The following PARN variants were observed in gnomAD, a reference collection of about 807,000 sequenced individuals.
PARN encodes the protein poly(A)-specific ribonuclease.
PARN carries 71 observed loss-of-function variants against 102.8 expected under a neutral mutation model. The observed-to-expected ratio is 0.69, with a 90% confidence interval of 0.57 to 0.84. The LOEUF is 0.84. Among genes scored for constraint, PARN ranks in the 40% least tolerant of loss-of-function variants. PARN has a pLI of 0.00. For synonymous variants in PARN, 261 were observed against 252.9 expected, an observed-to-expected ratio of 1.03 and a Z score of -0.30; for missense variants, 782 against 760.9, an observed-to-expected ratio of 1.03 and a Z score of -0.33.
At chr16:14,529,796 T>C (rs1182585912) in intron 21 of PARN, among the ~76,000 whole-genome samples, 1 of 152,094 alleles carries the variant, frequency 6.6e-6, no homozygotes, top group Non-Finnish European at 1.5e-5. Context: ...CCCCTTCCTG[T>C]TCCCCTCAAG....
intron 22 of PARN, among the ~76,000 whole-genome samples, chr16:14,455,283 C>A (rs1279023600): frequency 6.6e-6 from 1 of 152,186 alleles, no homozygotes; most frequent in Non-Finnish European, 1.5e-5. Flanking sequence ...TTCATATAAG[C>A]CCAATTCCTT....
chr16:14,458,262 G>C (rs1961781052), intron 22 of PARN, among the ~76,000 whole-genome samples: 1 of 152,088 alleles, frequency 6.6e-6, no homozygotes, highest in South Asian at 2.1e-4. Context: ...GAAATTTTCA[G>C]AGGCTAGGAT....
chr16:14,599,404 C>G, intron 12 of PARN, among the ~76,000 whole-genome samples: 1 of 152,080 alleles, frequency 6.6e-6, no homozygotes, highest in East Asian at 1.9e-4. Context: ...ATCATAGAGT[C>G]CCCTAGCACA....
At chr16:14,521,954 C>T (rs1432014601) in intron 21 of PARN, among the ~76,000 whole-genome samples, 1 of 152,180 alleles carries the variant, frequency 6.6e-6, no homozygotes, top group Non-Finnish European at 1.5e-5. Context: ...CTACTGTATT[C>T]AGTACAGTAA....
At chr16:14,550,717 TGCG>T (rs967483887) in intron 21 of PARN, among the ~76,000 whole-genome samples, 3 of 152,214 alleles carry the variant, frequency 2.0e-5, no homozygotes, top group African/African-American at 7.2e-5. Context: ...AGTTTTACTG[TGCG>T]GCATTTTGTT....
chr16:14,559,408 TG>T (rs1220835563), intron 18 of PARN, among the ~76,000 whole-genome samples: 2 of 145,296 alleles, frequency 1.4e-5, no homozygotes, highest in African/African-American at 2.4e-5. Flanking sequence ...TCAAAAGATT[TG>T]TTTTTTTTTT....
intron 11 of PARN, among the ~76,000 whole-genome samples, 164 bp downstream of exon 11, chr16:14,603,978 AATCT>A (rs1247789621): frequency 6.6e-6 from 1 of 152,202 alleles, no homozygotes; most frequent in Non-Finnish European, 1.5e-5. Context: ...CTCATGCTTA[AATCT>A]AACTTCCCCT....
chr16:14,608,396 G>A lies in PARN; in HGVS notation c.621-77C>T. 6 of 946,576 alleles carry A rather than the reference G, an allele frequency of 6.3e-6. No individual in the cohort carries two copies. The East Asian group carries it at 1.3e-4, about 21-fold the overall frequency. 58.6% of individuals were successfully genotyped at this position (946,576 alleles called of 1,614,324 possible). A position where few individuals can be genotyped will look rare whatever the true frequency, so the allele number is the denominator to read the frequency against. On this transcript the variant is annotated intron_variant, in intron 8 of 23. Coordinates refer to ENST00000437198, the MANE Select transcript of PARN (RefSeq NM_002582.4). Reference sequence around the variant, plus strand: ...AAACTGATCAAGCATTTGTTGAGAAGGATTTCGCTTTAAAAAGAGACTTCA... The same window carrying A: ...AAACTGATCAAGCATTTGTTGAGAAAGATTTCGCTTTAAAAAGAGACTTCA...
intron 18 of PARN, among the ~76,000 whole-genome samples, chr16:14,556,876 C>T (rs1364767529): frequency 6.6e-6 from 1 of 151,918 alleles, no homozygotes; most frequent in Non-Finnish European, 1.5e-5. Flanking sequence ...CTCAAAAGCC[C>T]ACATCATTAT....
intron 21 of PARN, among the ~76,000 whole-genome samples, chr16:14,516,876 T>A (rs1261263314): frequency 6.6e-6 from 1 of 152,194 alleles, no homozygotes; most frequent in Non-Finnish European, 1.5e-5. Flanking sequence ...GTAAATATGG[T>A]ATAATTATTT....
chr16:14,531,930 G>A (rs1201703329), intron 21 of PARN, among the ~76,000 whole-genome samples: 2 of 150,882 alleles, frequency 1.3e-5, no homozygotes, highest in African/African-American at 2.4e-5. Flanking sequence ...AGGCATGGTT[G>A]CATGCACCTA....
intron 22 of PARN, among the ~76,000 whole-genome samples, chr16:14,458,803 T>G (rs556704062): frequency 6.6e-6 from 1 of 152,060 alleles, no homozygotes; most frequent in Non-Finnish European, 1.5e-5. Context: ...CCCAGGCCAG[T>G]AGGAGCTAGA....
chr16:14,562,060 G>C (rs1026042186), intron 18 of PARN, among the ~76,000 whole-genome samples: 11 of 152,230 alleles, frequency 7.2e-5, no homozygotes, highest in Non-Finnish European at 1.6e-4. Flanking sequence ...GCTGAGGCAG[G>C]AGAATCGCTT....
At chr16:14,537,841 G>A (rs376859407) in intron 21 of PARN, among the ~76,000 whole-genome samples, 6 of 152,190 alleles carry the variant, frequency 3.9e-5, no homozygotes, top group African/African-American at 1.2e-4. Context: ...TGAGATAAGA[G>A]GAATGTGTTC....
At chr16:14,563,247 G>A (rs1282661977) in intron 18 of PARN, among the ~76,000 whole-genome samples, 1 of 152,218 alleles carries the variant, frequency 6.6e-6, no homozygotes, top group Non-Finnish European at 1.5e-5. Context: ...TCCTAAAACT[G>A]ATGGCAGAGG....
At chr16:14,540,925 C>T (rs1287611313) in intron 21 of PARN, among the ~76,000 whole-genome samples, 4 of 151,876 alleles carry the variant, frequency 2.6e-5, no homozygotes, top group African/African-American at 9.7e-5. Flanking sequence ...CACTCCAGCC[C>T]GGGCCACAGG....
At chr16:14,507,348 C>A (rs927958553) in intron 21 of PARN, among the ~76,000 whole-genome samples, 3 of 150,358 alleles carry the variant, frequency 2.0e-5, no homozygotes, top group African/African-American at 4.9e-5. Context: ...AGAAGAAATT[C>A]TGATTCTGAA....
chr16:14,605,983 AT>A (rs779921839), intron 10 of PARN, among the ~76,000 whole-genome samples: 2 of 152,214 alleles, frequency 1.3e-5, no homozygotes, highest in Non-Finnish European at 2.9e-5. Flanking sequence ...ATGAGAAAGT[AT>A]AGATCACCGT....
intron 3 of PARN, 72 bp from the exon 4 acceptor site, chr16:14,627,408 G>A: frequency 1.8e-6 from 2 of 1,091,030 alleles, no homozygotes; most frequent in Non-Finnish European, 2.7e-6. Context: ...TTCTCAAACA[G>A]GTGGGCTTTC....
Sources: allele counts gnomAD v4.1 joint callset (sites outside exome capture counted in the v4.1 genomes callset), GRCh38; gene constraint gnomAD v4.1.1; transcripts MANE v1.5; gene names NCBI Gene and HGNC (gene_info 2026-07-23, HGNC 2026-07-21).